Variants in IFI16 observed in about 807,000 individuals in gnomAD.
IFI16 encodes the protein gamma-interferon-inducible protein 16.
Under a neutral mutation model 68.4 loss-of-function variants are expected in IFI16, and 49 were observed. The observed-to-expected ratio is 0.72, with a 90% CI of 0.57 to 0.91. The LOEUF (loss-of-function observed/expected upper bound fraction) is 0.91. IFI16 is among the 40% of genes least tolerant of loss of function. The probability of loss-of-function intolerance (pLI) is 0.00; values close to 1 mark genes in which losing one functional copy is unlikely to be tolerated. For missense variants in IFI16, 878 were observed against 942.9 expected (o/e 0.93, Z 0.90); for synonymous variants, 307 against 315.0 (o/e 0.97, Z 0.27).
chr1:159,025,534 T>C (rs918191787), intron 6 of IFI16, among the ~76,000 whole-genome samples: 2 of 152,238 alleles, frequency 1.3e-5, no homozygotes, highest in African/African-American at 4.8e-5. Context: ...TTTGTTTTTT[T>C]CTTGATGATT....
rs1255109709 is a variant in IFI16, at chr1:159,011,807, A to C, written c.-21+1646A>C. On this transcript the variant is annotated intron_variant, in intron 1 of 11. Coordinates refer to ENST00000295809, the MANE Select transcript of IFI16 (RefSeq NM_001376587.1). ...CCTTTTGTTAACAATATATATGTAG[A>C]TTTCTTAAATCAAATTTGATGAAAG... Among the ~76,000 whole-genome samples, 3 of 152,118 alleles carry C rather than the reference A, an allele frequency of 2.0e-5. No individual in the cohort carries two copies. The East Asian group carries it at 5.8e-4, about 29-fold the overall frequency.
chr1:159,029,514 C>T (rs554552609), intron 6 of IFI16, among the ~76,000 whole-genome samples: 4 of 152,226 alleles, frequency 2.6e-5, no homozygotes, highest in East Asian at 1.9e-4. Flanking sequence ...TTGAGCTTCT[C>T]GTATTTGGAT....
chr1:159,010,492 T>C (rs1191309945), intron 1 of IFI16, among the ~76,000 whole-genome samples: 9 of 152,328 alleles, frequency 5.9e-5, no homozygotes, highest in African/African-American at 1.2e-4. Context: ...GAAGAAGTGT[T>C]GGAAACTCGG....
At chr1:159,035,585 G>T (rs192775161) in intron 7 of IFI16, among the ~76,000 whole-genome samples, 1 of 152,192 alleles carries the variant, frequency 6.6e-6, no homozygotes, top group Admixed American at 6.5e-5. Flanking sequence ...ATTTATTCTT[G>T]GGTGTCCACT....
rs368724711 is a variant in IFI16 at position 159,054,943 on chromosome 1, C to G, written c.*42C>G. On this transcript the variant is annotated 3_prime_UTR_variant, in exon 12 of 12. Coordinates refer to ENST00000295809, the MANE Select transcript of IFI16 (RefSeq NM_001376587.1). ...ACGATAATGTTTATGGAGATAAGGT[C>G]TAAGTGCCTAAAAAAATGTACATAT... 4.5e-6 allele frequency: 5 copies of G among 1,108,372 alleles called. No individual in the cohort carries two copies. The highest frequency in any genetic ancestry group is 4.1e-6 in the Non-Finnish European group (3 of 735,044). The allele number at this position is 1,108,372 out of a possible 1,614,324, so 68.7% of individuals were successfully genotyped here.
chr1:159,002,030 T>C (rs1652078439), upstream of IFI16, among the ~76,000 whole-genome samples: 1 of 151,980 alleles, frequency 6.6e-6, no homozygotes. Flanking sequence ...GAAAAGAAAA[T>C]GTTGAGGGAG....
At chr1:159,012,817 C>G (rs1410400578) in intron 1 of IFI16, among the ~76,000 whole-genome samples, 2 of 152,146 alleles carry the variant, frequency 1.3e-5, no homozygotes, top group Non-Finnish European at 2.9e-5. Context: ...CAGGAAAGAA[C>G]AGGAAAGTTT....
At chr1:159,032,425 C>T in intron 6 of IFI16, 99 bp from the exon 7 acceptor site, 1 of 682,448 alleles carries the variant, frequency 1.5e-6, no homozygotes, top group Admixed American at 3.7e-5. Context: ...AGTAATGAGA[C>T]CTATTAAAAT....
At chr1:159,027,669 T>G (rs1653756610) in intron 6 of IFI16, among the ~76,000 whole-genome samples, 1 of 152,206 alleles carries the variant, frequency 6.6e-6, no homozygotes, top group Non-Finnish European at 1.5e-5. Flanking sequence ...TGGGCTTTTC[T>G]TTATTGGAAA....
intron 6 of IFI16, among the ~76,000 whole-genome samples, chr1:159,030,476 G>A (rs1653934980): frequency 6.6e-6 from 1 of 151,916 alleles, no homozygotes; most frequent in African/African-American, 2.4e-5. Context: ...GATTTTTTTT[G>A]TCCCACAGGG....
chr1:159,032,996 T>C (rs989953773), intron 7 of IFI16, among the ~76,000 whole-genome samples: 1 of 151,966 alleles, frequency 6.6e-6, no homozygotes, highest in Non-Finnish European at 1.5e-5. Context: ...AAAACAAGAA[T>C]GCGTTCAGAT....
intron 4 of IFI16, among the ~76,000 whole-genome samples, chr1:159,017,458 A>T (rs552787362): frequency 3.6e-4 from 53 of 147,864 alleles, no homozygotes; most frequent in African/African-American, 4.7e-4. Context: ...ACCATTTTTC[A>T]TTTTTTTTTT....
chr1:159,007,307 G>A (rs1439496984), upstream of IFI16, among the ~76,000 whole-genome samples: 1 of 152,168 alleles, frequency 6.6e-6, no homozygotes, highest in Non-Finnish European at 1.5e-5. Context: ...CCCAAACAAT[G>A]CCCTTGTGCT....
intron 8 of IFI16, among the ~76,000 whole-genome samples, chr1:159,047,335 C>T (rs1655056243): frequency 1.3e-5 from 2 of 149,434 alleles, no homozygotes; most frequent in Non-Finnish European, 3.0e-5. Context: ...CCTGGTTCTT[C>T]TTGGGCAGAA....
chr1:159,049,624 A>C, intron 9 of IFI16, 25 bp downstream of exon 9: 1 of 1,612,890 alleles, frequency 6.2e-7, no homozygotes, highest in Admixed American at 1.7e-5. Flanking sequence ...TTCCCAATAC[A>C]TTCCCCTCGC....
In IFI16 at chr1:159,014,875, A is replaced by C; in HGVS notation, c.195A>C (p.Leu65=). 1 of 1,613,910 alleles carries C rather than the reference A, an allele frequency of 6.2e-7. No homozygotes were observed. Among genetic ancestry groups the C allele is most frequent in the Non-Finnish European group, 8.5e-7 (1 of 1,179,914 alleles). ...GAGGTGATGCTGGTTTGGGCAAACT[A>C]ATAAAAATTTTCGAAGATATACCAA... ...KFRGDAGLGK[L]IKIFEDIPTL... is the part of the protein sequence containing the mutation. The change falls in exon 2 of 12, where the codon CTA becomes CTC. Residue 65 remains leucine (L), a synonymous_variant. Coordinates refer to ENST00000295809, the MANE Select transcript of IFI16 (RefSeq NM_001376587.1).
At chr1:159,019,724 G>T (rs1458477826) in intron 5 of IFI16, among the ~76,000 whole-genome samples, 1 of 152,158 alleles carries the variant, frequency 6.6e-6, no homozygotes, top group Non-Finnish European at 1.5e-5. Flanking sequence ...CTCCCAAAGT[G>T]CTGGGATTAC....
At chr1:159,029,173 C>T (rs994479396) in intron 6 of IFI16, among the ~76,000 whole-genome samples, 1 of 152,094 alleles carries the variant, frequency 6.6e-6, no homozygotes, top group South Asian at 2.1e-4. Context: ...TTTAGCAGTT[C>T]TTGTAATGCT....
At chr1:159,044,632 G>T (rs1298249597) in intron 7 of IFI16, among the ~76,000 whole-genome samples, 1 of 152,136 alleles carries the variant, frequency 6.6e-6, no homozygotes. Flanking sequence ...AGTAGTCAAG[G>T]TATGTGATTT....
Sources: gnomAD v4.1 joint callset for allele counts (sites outside exome capture counted in the v4.1 genomes callset) on GRCh38, gnomAD v4.1.1 for gene constraint, MANE v1.5 for transcripts, NCBI Gene and HGNC (gene_info 2026-07-23, HGNC 2026-07-21) for gene names.